Variants in TRAM1 observed in about 807,000 individuals in gnomAD.
The protein encoded by TRAM1 is translocating chain-associated membrane protein 1.
TRAM1 carries 17 observed loss-of-function variants against 48.7 expected under a neutral mutation model. The ratio of observed to expected loss-of-function variants is 0.35; its 90% CI spans 0.24 to 0.52. TRAM1 has a LOEUF of 0.52. TRAM1 is among the 20% of genes least tolerant of loss of function. The pLI, the probability that TRAM1 is intolerant of heterozygous loss-of-function variation, is 0.94. For missense variants in TRAM1, 351 were observed against 441.5 expected (o/e 0.79, Z 1.84); for synonymous variants, 182 against 154.0 (o/e 1.18, Z -1.34).
At chr8:70,597,849 A>T in intron 4 of TRAM1, 46 bp downstream of exon 4, 1 of 1,397,874 alleles carries the variant, frequency 7.2e-7, no homozygotes, top group Admixed American at 1.9e-5. Flanking sequence ...AGAGTTTCTA[A>T]TCTTAGATAA....
In TRAM1 at chr8:70,574,235, A is replaced by G. The variant is rs997008593; in HGVS notation, c.*697T>C. 4.8e-6 allele frequency: 2 copies of G among 413,414 alleles called. No individual in the cohort carries two copies. Among genetic ancestry groups the G allele is most frequent in the Non-Finnish European group, 9.3e-6 (2 of 214,172 alleles). 25.6% of individuals were successfully genotyped at this position (413,414 alleles called of 1,614,324 possible). On this transcript the variant is annotated 3_prime_UTR_variant, in exon 11 of 11. Transcript: ENST00000262213. The stretch of plus-strand genomic sequence containing the variant: ...AATATTTTCTGATTTCCAGTTTACA[A>G]GTATTGAAAATGCACAAGAAAGATT...
intron 8 of TRAM1, among the ~76,000 whole-genome samples, chr8:70,586,032 A>G (rs1817208764): frequency 6.6e-6 from 1 of 151,244 alleles, no homozygotes; most frequent in Non-Finnish European, 1.5e-5. Flanking sequence ...TCAAATGTCC[A>G]ACAATGATAG....
chr8:70,587,887 T>A (rs368253069), intron 6 of TRAM1, among the ~76,000 whole-genome samples: 1 of 152,312 alleles, frequency 6.6e-6, no homozygotes, highest in East Asian at 1.9e-4. Context: ...GAGCTGGTTA[T>A]CTCAGAAACA....
intron 1 of TRAM1, among the ~76,000 whole-genome samples, chr8:70,605,807 A>G (rs186050432): frequency 1.3e-5 from 2 of 152,338 alleles, no homozygotes; most frequent in African/African-American, 2.4e-5. Context: ...ATTTTTGTCT[A>G]TTTAGATTTT....
rs186485269 is a variant in TRAM1 at position 70,593,527 on chromosome 8, C to A, written c.570+979G>T. On this transcript the variant is annotated intron_variant, in intron 6 of 10. Transcript: ENST00000262213. ...CGATCAAACTTGTTTCATCTATATC[C>A]CTCTTCACTTTCCTTCACCTGGTAT... Among the ~76,000 whole-genome samples, 338 of 151,390 alleles carry A rather than the reference C, an allele frequency of 2.2e-3. 2 individuals carry two copies. Among genetic ancestry groups the A allele is most frequent in the African/African-American group, 7.8e-3 (324 of 41,282 alleles).
intron 10 of TRAM1, among the ~76,000 whole-genome samples, chr8:70,576,580 T>C (rs1816957774): frequency 6.6e-6 from 1 of 152,236 alleles, no homozygotes; most frequent in African/African-American, 2.4e-5. Flanking sequence ...TTATCTTTTT[T>C]TTCTTCTGAG....
At chr8:70,576,069 T>TAAAAAAAAAAAAAAAA (rs1391722559) in intron 10 of TRAM1, among the ~76,000 whole-genome samples, 1 of 40,130 alleles carries the variant, frequency 2.5e-5, no homozygotes, top group Admixed American at 2.3e-4. Context: ...AGACTCCATC[T>TAAAAAAAAAAAAAAAA]AAAAAAAAAA....
At chr8:70,602,108 A>C (rs1425630235) in intron 1 of TRAM1, among the ~76,000 whole-genome samples, 2 of 152,228 alleles carry the variant, frequency 1.3e-5, no homozygotes, top group African/African-American at 2.4e-5. Flanking sequence ...CAAAAGCCAA[A>C]GGGGAAACAT....
At chr8:70,588,536 G>A (rs1014538800) in intron 6 of TRAM1, among the ~76,000 whole-genome samples, 3 of 152,134 alleles carry the variant, frequency 2.0e-5, no homozygotes, top group African/African-American at 7.2e-5. Context: ...GATGCAGTGA[G>A]CTAGGATTGT....
intron 6 of TRAM1, among the ~76,000 whole-genome samples, chr8:70,592,592 T>C (rs1817389477): frequency 6.6e-6 from 1 of 152,208 alleles, no homozygotes; most frequent in Non-Finnish European, 1.5e-5. Context: ...AGAAAAGAGC[T>C]TCAGGAACTA....
chr8:70,596,379 A>T, intron 4 of TRAM1, 58 bp from the exon 5 acceptor site: 1 of 1,300,678 alleles, frequency 7.7e-7, no homozygotes, highest in Non-Finnish European at 1.1e-6. Flanking sequence ...CTTGGAAAAT[A>T]AGGCATTACT....
At chr8:70,584,102 A>T (rs1817147756) in intron 8 of TRAM1, among the ~76,000 whole-genome samples, 1 of 152,200 alleles carries the variant, frequency 6.6e-6, no homozygotes, top group African/African-American at 2.4e-5. Flanking sequence ...GCAAAAAAGA[A>T]TTTTGAGTCA....
intron 6 of TRAM1, among the ~76,000 whole-genome samples, chr8:70,591,520 A>G (rs1447620592): frequency 6.6e-6 from 1 of 152,160 alleles, no homozygotes; most frequent in Non-Finnish European, 1.5e-5. Flanking sequence ...AATCATAACA[A>G]ATTATAAAAT....
rs770432117 is a variant in TRAM1 at position 70,586,929 on chromosome 8, G to C, written c.712C>G (p.Leu238Val). 9.9e-6 allele frequency: 16 copies of C among 1,613,860 alleles called. No individual in the cohort carries two copies. The highest frequency in any genetic ancestry group is 1.4e-5 in the Non-Finnish European group (16 of 1,179,898). ...TACTTTTCATTGCTAAAATAAAACA[G>C]GCGGGAAATGTGGAAAAGAAATTCA... is the stretch of plus-strand genomic sequence containing the variant. ...FVEFLFHISR[L>V]FYFSNEKYQK... Residue 238 changes from leucine to valine, a missense_variant, in exon 8 of 11, where the codon CTG becomes GTG. Physicochemically the swap from Leu to Val is conservative, Grantham distance 32. Coordinates refer to ENST00000262213, the MANE Select transcript of TRAM1 (RefSeq NM_014294.6).
At chr8:70,598,640 TC>T (rs1817540831) in intron 2 of TRAM1, among the ~76,000 whole-genome samples, 1 of 152,204 alleles carries the variant, frequency 6.6e-6, no homozygotes, top group South Asian at 2.1e-4. Flanking sequence ...ACTTCTACTT[TC>T]TAACTACACA....
chr8:70,597,188 CCTTT>C (rs1817506483), intron 4 of TRAM1, among the ~76,000 whole-genome samples: 3 of 152,214 alleles, frequency 2.0e-5, no homozygotes, highest in African/African-American at 7.2e-5. Context: ...GCAAATACTG[CCTTT>C]CTTTTTCTCA....
At chr8:70,592,942 A>C (rs1817401172) in intron 6 of TRAM1, among the ~76,000 whole-genome samples, 1 of 152,156 alleles carries the variant, frequency 6.6e-6, no homozygotes, top group Non-Finnish European at 1.5e-5. Flanking sequence ...TGTAGATGTG[A>C]CTAGTAGTTA....
chr8:70,600,752 A>G (rs1817591276), intron 1 of TRAM1, among the ~76,000 whole-genome samples: 1 of 152,234 alleles, frequency 6.6e-6, no homozygotes, highest in Admixed American at 6.5e-5. Flanking sequence ...ATAAGTGCCA[A>G]TAGCTTGCAC....
At chr8:70,578,249 C>T (rs1817002882) in intron 10 of TRAM1, among the ~76,000 whole-genome samples, 1 of 152,220 alleles carries the variant, frequency 6.6e-6, no homozygotes, top group Non-Finnish European at 1.5e-5. Flanking sequence ...ACTGGGACTA[C>T]AGGCATGCAC....
Sources: gnomAD v4.1 joint callset for allele counts (sites outside exome capture counted in the v4.1 genomes callset) on GRCh38, gnomAD v4.1.1 for gene constraint, MANE v1.5 for transcripts, NCBI Gene and HGNC (gene_info 2026-07-23, HGNC 2026-07-21) for gene names.